Variants in RFX4 observed in about 807,000 individuals in gnomAD.
RFX4 encodes the protein regulatory factor X4.
RFX4 carries 10 observed loss-of-function variants against 95.0 expected under a neutral mutation model. That is an observed-to-expected ratio of 0.11 (90% CI 0.06 to 0.18). The LOEUF (loss-of-function observed/expected upper bound fraction) is 0.18. RFX4 is among the 10% of genes least tolerant of loss of function. RFX4 has a pLI of 1.00. For synonymous variants in RFX4, 321 were observed against 340.7 expected (o/e 0.94, Z 0.64); for missense variants, 640 against 922.0 (o/e 0.69, Z 3.96).
intron 15 of RFX4, among the ~76,000 whole-genome samples, chr12:106,746,871 T>C (rs1428783692): frequency 1.3e-5 from 2 of 152,206 alleles, no homozygotes; most frequent in African/African-American, 4.8e-5. Context: ...CCTCCCTTCC[T>C]TTCTTCCTAT....
chr12:106,651,681 G>A (rs2040859673), intron 3 of RFX4, among the ~76,000 whole-genome samples: 1 of 152,150 alleles, frequency 6.6e-6, no homozygotes, highest in Non-Finnish European at 1.5e-5. Context: ...AGCCAGACAA[G>A]GAACAGAAAA....
intron 1 of RFX4, among the ~76,000 whole-genome samples, chr12:106,595,578 G>A (rs1480389462): frequency 6.6e-6 from 1 of 152,118 alleles, no homozygotes; most frequent in East Asian, 1.9e-4. Context: ...AGTTCAACCT[G>A]GCACCACCAC....
At chr12:106,601,390 C>T in intron 1 of RFX4, 1 of 1,544,694 alleles carries the variant, frequency 6.5e-7, no homozygotes, top group Non-Finnish European at 8.8e-7. Context: ...GTGGGCCTGG[C>T]ACCCTCAGGG....
At chr12:106,594,696 T>G (rs569123183) in intron 1 of RFX4, among the ~76,000 whole-genome samples, 1 of 151,968 alleles carries the variant, frequency 6.6e-6, no homozygotes, top group South Asian at 2.1e-4. Context: ...TGGGAAAGGC[T>G]GCCGAGCTGA....
chr12:106,703,661 G>A (rs1315526301), intron 8 of RFX4, among the ~76,000 whole-genome samples: 2 of 152,150 alleles, frequency 1.3e-5, no homozygotes, highest in East Asian at 3.8e-4. Flanking sequence ...ACATACACAT[G>A]GCATTTGCTG....
At chr12:106,659,294 C>T (rs140651865) in intron 4 of RFX4, among the ~76,000 whole-genome samples, 37 of 152,242 alleles carry the variant, frequency 2.4e-4, no homozygotes, top group Non-Finnish European at 5.0e-4. Context: ...CTGATCTTCT[C>T]CTTTCCCTGA....
chr12:106,747,927 TAAAAA>T (rs10624179), intron 16 of RFX4, among the ~76,000 whole-genome samples: 1 of 126,382 alleles, frequency 7.9e-6, no homozygotes, highest in Non-Finnish European at 1.7e-5. Context: ...GACGCCGTCT[TAAAAA>T]AAAAAAAAAA....
intron 4 of RFX4, among the ~76,000 whole-genome samples, chr12:106,655,765 G>A (rs1268655864): frequency 6.6e-6 from 1 of 152,174 alleles, no homozygotes; most frequent in South Asian, 2.1e-4. Flanking sequence ...TCCTCAGGGG[G>A]ATGTTGCAAG....
intron 2 of RFX4, among the ~76,000 whole-genome samples, chr12:106,634,494 C>A (rs890197952): frequency 1.3e-5 from 2 of 152,176 alleles, no homozygotes; most frequent in African/African-American, 2.4e-5. Context: ...TCCCAACAAC[C>A]TTTTGAGGTA....
chr12:106,653,215 G>T (rs896878311), intron 3 of RFX4, among the ~76,000 whole-genome samples: 2 of 152,124 alleles, frequency 1.3e-5, no homozygotes, highest in Non-Finnish European at 2.9e-5. Flanking sequence ...CTACATTCTG[G>T]TGTTTGGGTT....
intron 2 of RFX4, among the ~76,000 whole-genome samples, chr12:106,614,003 T>C (rs762696182): frequency 6.6e-6 from 1 of 152,210 alleles, no homozygotes; most frequent in Non-Finnish European, 1.5e-5. Context: ...AGTGTTTCAC[T>C]TCCTTGCCAA....
chr12:106,603,740 G>A (rs2039762629), intron 1 of RFX4, among the ~76,000 whole-genome samples: 1 of 152,196 alleles, frequency 6.6e-6, no homozygotes, highest in South Asian at 2.1e-4. Flanking sequence ...TACCAGTATT[G>A]CAGCATTGAT....
intron 2 of RFX4, among the ~76,000 whole-genome samples, chr12:106,631,680 C>T (rs138764669): frequency 2.6e-5 from 4 of 152,224 alleles, no homozygotes; most frequent in African/African-American, 9.6e-5. Context: ...GTGCCTTCAT[C>T]TTGAACTTCC....
chr12:106,671,959 G>T (rs2041290601), intron 4 of RFX4, among the ~76,000 whole-genome samples: 1 of 152,018 alleles, frequency 6.6e-6, no homozygotes, highest in African/African-American at 2.4e-5. Context: ...ACCACACCCG[G>T]CCTCCAGTGT....
chr12:106,746,355 C>CAAA (rs531874659), intron 15 of RFX4, among the ~76,000 whole-genome samples: 2 of 67,272 alleles, frequency 3.0e-5, no homozygotes, highest in East Asian at 4.5e-4. Flanking sequence ...GACTCCATCT[C>CAAA]AAAAAAAAAA....
chr12:106,762,396 TATA>T lies in RFX4; in HGVS notation c.*934_*936del, dbSNP rs2043220003. On this transcript the variant is annotated 3_prime_UTR_variant, in exon 18 of 18. Coordinates refer to ENST00000392842, the MANE Select transcript of RFX4 (RefSeq NM_213594.3). ...GACTTTCACGGTTCCTTCATAAAAC[TATA>T]ATAATATCCGACACTTTGATAGAAA... The T allele has an allele frequency of 6.6e-6, 1 of 152,638 alleles. No homozygotes were observed. Among genetic ancestry groups the T allele is most frequent in the Admixed American group, 6.5e-5 (1 of 15,284 alleles). The allele number at this position is 152,638 out of a possible 1,614,324, so 9.5% of individuals were successfully genotyped here.
chr12:106,686,726 C>T (rs956144365), intron 5 of RFX4, among the ~76,000 whole-genome samples, 158 bp from the exon 6 acceptor site: 1 of 152,136 alleles, frequency 6.6e-6, no homozygotes. Context: ...ATTAGCCTTA[C>T]AGGAGAGTTA....
At chr12:106,649,917 C>T (rs1015554578) in intron 3 of RFX4, among the ~76,000 whole-genome samples, 1 of 152,178 alleles carries the variant, frequency 6.6e-6, no homozygotes, top group Non-Finnish European at 1.5e-5. Flanking sequence ...CTAAGTGTTA[C>T]CTCTGCCCCC....
intron 15 of RFX4, among the ~76,000 whole-genome samples, chr12:106,737,119 T>C (rs2042722301): frequency 6.9e-6 from 1 of 144,334 alleles, no homozygotes; most frequent in Non-Finnish European, 1.5e-5. Context: ...AATTATATCC[T>C]AATTCTATTT....
Sources: gnomAD v4.1 joint callset for allele counts (sites outside exome capture counted in the v4.1 genomes callset) on GRCh38, gnomAD v4.1.1 for gene constraint, MANE v1.5 for transcripts, NCBI Gene and HGNC (gene_info 2026-07-23, HGNC 2026-07-21) for gene names.